The following ZNF574 variants were observed in gnomAD, a reference collection of about 807,000 sequenced individuals.
ZNF574 encodes zinc finger protein 574.
In ZNF574, 25 loss-of-function variants were observed where a neutral mutation model predicts 56.6. The observed-to-expected ratio is 0.44, with a 90% CI of 0.32 to 0.62. The LOEUF is 0.62. ZNF574 is among the 20% of genes least tolerant of loss of function. The pLI is 0.04. For missense variants in ZNF574, 1,065 were observed against 1,218.9 expected (o/e 0.87, Z 1.88); for synonymous variants, 543 against 492.1 (o/e 1.10, Z -1.37).
In ZNF574 at chr19:42,079,126, C is replaced by T; in HGVS notation, c.520C>T (p.Gln174Ter). The T allele has an allele frequency of 6.2e-7, 1 of 1,614,006 alleles. No individual in the cohort carries two copies. Among genetic ancestry groups the T allele is most frequent in the Non-Finnish European group, 8.5e-7 (1 of 1,179,938 alleles). Residue 174 changes from glutamine (Q) to a stop codon, truncating the protein, a stop_gained, in exon 2 of 2, where the codon CAG becomes TAG. Coordinates refer to ENST00000359044, the MANE Select transcript of ZNF574 (RefSeq NM_022752.6). LOFTEE classifies it high-confidence loss of function. The surrounding 1 kb of genome is among the most constrained non-coding windows in gnomAD (Gnocchi z 4.3). ...SPVVLGPPVG[Q>*]ARVAVEHSYR... Reference sequence around the variant, plus strand: ...AGTTGTTCTAGGGCCTCCTGTGGGCCAGGCCCGAGTGGCTGTGGAGCACTC... The same window carrying T: ...AGTTGTTCTAGGGCCTCCTGTGGGCTAGGCCCGAGTGGCTGTGGAGCACTC...
chr19:42,068,551 G>A, exon 1 of ZNF574: 2 of 401,616 alleles, frequency 5.0e-6, no homozygotes, highest in Non-Finnish European at 8.8e-6. Context: ...AGTGACAGAG[G>A]GAAGACAGCC....
chr19:42,069,354 G>C (rs2076390885), intron 1 of ZNF574: 1 of 159,854 alleles, frequency 6.3e-6, no homozygotes, highest in Admixed American at 6.5e-5. Context: ...CAGTCCACAG[G>C]GCCCCCTCCC....
At chr19:42,070,071 G>A (rs982794223) in intron 1 of ZNF574, among the ~76,000 whole-genome samples, 3 of 152,080 alleles carry the variant, frequency 2.0e-5, no homozygotes, top group Non-Finnish European at 4.4e-5. Context: ...CCTGTGAGGA[G>A]CCGGCTCCAG....
At chr19:42,068,713 T>G in exon 1 of ZNF574, 1 of 490,098 alleles carries the variant, frequency 2.0e-6, no homozygotes, top group Non-Finnish European at 3.7e-6. Context: ...AACAGAGACA[T>G]GCCGAGAGCA....
upstream of ZNF574, among the ~76,000 whole-genome samples, chr19:42,074,256 A>C (rs1490516141): frequency 6.6e-6 from 1 of 151,914 alleles, no homozygotes; most frequent in South Asian, 2.1e-4. Flanking sequence ...GGAGATTGAG[A>C]CCATCCTGGC....
In ZNF574 at chr19:42,079,559, TTCTC is replaced by T; in HGVS notation, c.956_959del (p.Leu319HisfsTer48). ...TTCTGCTCAGCCTGTGACCAGCTCT[TTCTC>T]TCACCCCACCAGCTACAGCAGCACC... On this transcript the variant is annotated frameshift_variant, in exon 2 of 2. Coordinates refer to ENST00000359044, the MANE Select transcript of ZNF574 (RefSeq NM_022752.6). LOFTEE classifies it high-confidence loss of function. The surrounding 1 kb of genome is among the most constrained non-coding windows in gnomAD (Gnocchi z 4.3). 1 of 1,614,078 alleles carries T rather than the reference TTCTC, an allele frequency of 6.2e-7. No individual in the cohort carries two copies. The highest frequency in any genetic ancestry group is 8.5e-7 in the Non-Finnish European group (1 of 1,180,010).
At chr19:42,072,741 T>C (rs2076432957), upstream of ZNF574, among the ~76,000 whole-genome samples, 1 of 152,160 alleles carries the variant, frequency 6.6e-6, no homozygotes, top group Non-Finnish European at 1.5e-5. Flanking sequence ...TAATTTTGTA[T>C]TTTTAGTAGA....
At position 42,080,762 on chromosome 19, in the gene ZNF574, C is replaced by T. The variant is rs372290217; in HGVS notation, c.2156C>T (p.Ala719Val). 8.7e-6 allele frequency: 14 copies of T among 1,613,882 alleles called. No homozygotes were observed. Among genetic ancestry groups the T allele is most frequent in the Admixed American group, 5.0e-5 (3 of 60,010 alleles). The change falls in exon 2 of 2, where the codon GCA (alanine) becomes GTA (valine). Residue 719 changes from alanine (A) to valine (V), a missense_variant. Ala to Val is a moderately conservative substitution (Grantham distance 64, BLOSUM62 0). Coordinates refer to ENST00000359044, the MANE Select transcript of ZNF574 (RefSeq NM_022752.6). The surrounding 1 kb of genome is among the most constrained non-coding windows in gnomAD (Gnocchi z 8.5). ...ACTCGTGCACCAGTTGCCTCTCCAG[C>T]AGCCCTTGGAAGCACTGCTACAGCA... is the stretch of plus-strand genomic sequence containing the variant. ...RATRAPVASPAALGSTATASP... is the reference protein window; with the variant it reads ...RATRAPVASPVALGSTATASP...
At position 42,080,619 on chromosome 19, in the gene ZNF574, C is replaced by T. The variant is rs2076492273; in HGVS notation, c.2013C>T (p.Thr671=). 1.2e-6 allele frequency: 2 copies of T among 1,612,800 alleles called. No individual in the cohort carries two copies. Among genetic ancestry groups the T allele is most frequent in the Admixed American group, 1.7e-5 (1 of 59,990 alleles). Residue 671 remains threonine, a synonymous_variant, in exon 2 of 2, where the codon ACC becomes ACT. Coordinates refer to ENST00000359044, the MANE Select transcript of ZNF574 (RefSeq NM_022752.6). The surrounding 1 kb of genome is among the most constrained non-coding windows in gnomAD (Gnocchi z 8.5). ...AQAPRRFECG[T]CGKKVGSAAR... ...CCCCACGGCGCTTTGAGTGTGGCAC[C>T]TGTGGCAAGAAAGTGGGCTCAGCTG...
In ZNF574 at chr19:42,079,339, CAGG is replaced by C. The variant is rs1568944326; in HGVS notation, c.736_738del (p.Glu246del). The C allele has an allele frequency of 6.2e-7, 1 of 1,613,476 alleles. No individual in the cohort carries two copies. The highest frequency in any genetic ancestry group is 1.7e-5 in the Admixed American group (1 of 60,014). On this transcript the variant is annotated inframe_deletion, in exon 2 of 2. Coordinates refer to ENST00000359044, the MANE Select transcript of ZNF574 (RefSeq NM_022752.6). The surrounding 1 kb of genome is among the most constrained non-coding windows in gnomAD (Gnocchi z 4.3). ...CTTCCCTGCTCCTGTACCCGAGTCT[CAGG>C]AGCCTGCCTTACAGCAGGAGGTGCA...
rs1238349204 is a variant in ZNF574 at position 42,079,627 on chromosome 19, T to C, written c.1021T>C (p.Cys341Arg). 1 of 1,614,176 alleles carries C rather than the reference T, an allele frequency of 6.2e-7. No homozygotes were observed. ...HREGVFKCPL[C>R]SRVFPSPSSL... ...GGAGGGCGTCTTTAAGTGCCCCCTG[T>C]GCAGTCGTGTCTTCCCTAGCCCTTC... The change falls in exon 2 of 2, where the codon TGC (cysteine) becomes CGC (arginine). Residue 341 changes from cysteine to arginine, a missense_variant. Physicochemically the swap from Cys to Arg is radical, Grantham distance 180. Transcript: ENST00000359044. This position sits in a 1 kb window ranked among gnomAD's most constrained non-coding sequence, Gnocchi z 4.3.
chr19:42,080,686 C>T lies in ZNF574; in HGVS notation c.2080C>T (p.Pro694Ser). ...AHEAAHAAAGPGEVLAKEPPA... is the reference protein window; with the variant it reads ...AHEAAHAAAGSGEVLAKEPPA... ...CGAGGCGGCCCATGCAGCTGCTGGG[C>T]CTGGAGAGGTCCTGGCTAAGGAGCC... Residue 694 changes from proline to serine, a missense_variant, in exon 2 of 2, where the codon CCT becomes TCT. Transcript: ENST00000359044. The surrounding 1 kb of genome is among the most constrained non-coding windows in gnomAD (Gnocchi z 8.5). 6.2e-7 allele frequency: 1 copy of T among 1,613,142 alleles called. No homozygotes were observed. Among genetic ancestry groups the T allele is most frequent in the Non-Finnish European group, 8.5e-7 (1 of 1,179,900 alleles).
At chr19:42,078,006 G>A (rs977852500) in intron 1 of ZNF574, among the ~76,000 whole-genome samples, 5 of 152,242 alleles carry the variant, frequency 3.3e-5, no homozygotes, top group Admixed American at 1.3e-4. Flanking sequence ...GCGTGTAAAG[G>A]GGAGGGGTGG....
Position 42,080,747 on chromosome 19 carries a change from C to G in ZNF574, c.2141C>G (p.Pro714Arg). The change falls in exon 2 of 2, where the codon CCA becomes CGA. Residue 714 changes from proline to arginine, a missense_variant. Pro to Arg is a moderately radical substitution (Grantham distance 103). Transcript: ENST00000359044. This position sits in a 1 kb window ranked among gnomAD's most constrained non-coding sequence, Gnocchi z 8.5. ...APRAPRATRA[P>R]VASPAALGST... ...CGAGCCCCACGGGCCACTCGTGCAC[C>G]AGTTGCCTCTCCAGCAGCCCTTGGA... 1 of 1,613,932 alleles carries G rather than the reference C, an allele frequency of 6.2e-7. No individual in the cohort carries two copies. Among genetic ancestry groups the G allele is most frequent in the Non-Finnish European group, 8.5e-7 (1 of 1,180,036 alleles).
At position 42,078,705 on chromosome 19, in the gene ZNF574, G is replaced by A; in HGVS notation, c.99G>A (p.Met33Ile). 5 of 1,614,088 alleles carry A rather than the reference G, an allele frequency of 3.1e-6. No homozygotes were observed. The highest frequency in any genetic ancestry group is 4.2e-6 in the Non-Finnish European group (5 of 1,179,984). ...QLYGSLEEVLMHQNSHVPQQH... is the reference protein window; with the variant it reads ...QLYGSLEEVLIHQNSHVPQQH... The stretch of plus-strand genomic sequence containing the variant: ...ATGGATCACTGGAAGAGGTGCTTAT[G>A]CACCAAAACTCCCACGTGCCCCAGC... The change falls in exon 2 of 2, where the codon ATG (methionine) becomes ATA (isoleucine). Residue 33 changes from methionine (M) to isoleucine (I), a missense_variant. Physicochemically the swap from Met to Ile is conservative, Grantham distance 10 (BLOSUM62 1). Transcript: ENST00000359044.
Position 42,080,771 on chromosome 19 carries a change from G to C in ZNF574, c.2165G>C (p.Gly722Ala). Residue 722 changes from glycine (G) to alanine (A), a missense_variant, in exon 2 of 2, where the codon GGA becomes GCA. Physicochemically the swap from Gly to Ala is moderately conservative, Grantham distance 60 (BLOSUM62 0). Coordinates refer to ENST00000359044, the MANE Select transcript of ZNF574 (RefSeq NM_022752.6). The surrounding 1 kb of genome is among the most constrained non-coding windows in gnomAD (Gnocchi z 8.5). Reference sequence around the variant, plus strand: ...CCAGTTGCCTCTCCAGCAGCCCTTGGAAGCACTGCTACAGCATCCCCTGCG... The same window carrying C: ...CCAGTTGCCTCTCCAGCAGCCCTTGCAAGCACTGCTACAGCATCCCCTGCG... ...RAPVASPAAL[G>A]STATASPAAP... The C allele has an allele frequency of 6.2e-7, 1 of 1,613,982 alleles. No homozygotes were observed. The highest frequency in any genetic ancestry group is 8.5e-7 in the Non-Finnish European group (1 of 1,180,018).
chr19:42,076,122 C>G (rs1318658223), upstream of ZNF574: 1 of 152,528 alleles, frequency 6.6e-6, no homozygotes, highest in South Asian at 2.1e-4. Flanking sequence ...GTGCGGCGGC[C>G]GAGGAGGAAG....
chr19:42,074,392 T>C (rs1239495345), upstream of ZNF574, among the ~76,000 whole-genome samples: 1 of 151,000 alleles, frequency 6.6e-6, no homozygotes, highest in African/African-American at 2.4e-5. Flanking sequence ...GAGGCGGAGG[T>C]TGCAGTGAGC....
In ZNF574 at chr19:42,079,856, G is replaced by C; in HGVS notation, c.1250G>C (p.Gly417Ala). Residue 417 changes from glycine (G) to alanine (A), a missense_variant, in exon 2 of 2, where the codon GGT becomes GCT. By Grantham distance (60) the Gly-to-Ala change is moderately conservative (BLOSUM62 0). Transcript: ENST00000359044. The surrounding 1 kb of genome is among the most constrained non-coding windows in gnomAD (Gnocchi z 4.3). ...CACCGGCGTACTCATGGGGTAGGGG[G>C]TGTCCCTCTGCCCACAACACCAGTC... is the stretch of plus-strand genomic sequence containing the variant. Reference protein sequence around the residue: ...LYHRRTHGVGGVPLPTTPVPP... With the variant: ...LYHRRTHGVGAVPLPTTPVPP... The C allele has an allele frequency of 1.2e-6, 2 of 1,614,102 alleles. No individual in the cohort carries two copies. Among genetic ancestry groups the C allele is most frequent in the Non-Finnish European group, 1.7e-6 (2 of 1,180,020 alleles).
Sources: allele counts gnomAD v4.1 joint callset (sites outside exome capture counted in the v4.1 genomes callset), GRCh38; gene constraint gnomAD v4.1.1; non-coding constraint Gnocchi (gnomAD v3.1); transcripts MANE v1.5; gene names NCBI Gene and HGNC (gene_info 2026-07-23, HGNC 2026-07-21).